The following ZC4H2 variants were observed in gnomAD, a reference collection of about 807,000 sequenced individuals.
ZC4H2 encodes the protein zinc finger C4H2-type containing, also known as zinc finger C4H2 domain-containing protein.
For missense variants in ZC4H2, 137 were observed against 173.9 expected (o/e 0.79, Z 1.19); for synonymous variants, 84 against 66.3 (o/e 1.27, Z -1.30).
intron 1 of ZC4H2, among the ~76,000 whole-genome samples, chrX:64,955,564 G>C (rs1481387141): frequency 9.0e-6 from 1 of 111,512 alleles, no homozygotes; most frequent in Non-Finnish European, 1.9e-5. Flanking sequence ...TGTACACCCA[G>C]TGAAGCCCTT....
At chrX:64,954,337 TAA>T (rs1931041666) in intron 1 of ZC4H2, among the ~76,000 whole-genome samples, 1 of 73,492 alleles carries the variant, frequency 1.4e-5, no homozygotes, top group African/African-American at 8.3e-5. Flanking sequence ...TATATATATA[TAA>T]TTATATATAT....
chrX:64,917,701 G>C lies in ZC4H2; in HGVS notation c.*82C>G. 8.6e-7 allele frequency: 1 copy of C among 1,156,292 alleles called. No individual in the cohort carries two copies. Among genetic ancestry groups the C allele is most frequent in the Non-Finnish European group, 1.2e-6 (1 of 864,647 alleles). On this transcript the variant is annotated 3_prime_UTR_variant, in exon 5 of 5. Transcript: ENST00000374839. ...AGGAGACTTCGTGGGGTTGGGCAAG[G>C]GTTGTTTCACATCAGGACATCAATG...
chrX:64,932,085 T>C (rs182084744), intron 1 of ZC4H2, among the ~76,000 whole-genome samples: 1 of 111,811 alleles, frequency 8.9e-6, no homozygotes, highest in Non-Finnish European at 1.9e-5. Flanking sequence ...GTTGGACTAA[T>C]CCTTTTATCA....
At chrX:65,007,406 C>T (rs757964365) in intron 1 of ZC4H2, among the ~76,000 whole-genome samples, 18 of 112,081 alleles carry the variant, frequency 1.6e-4, no homozygotes, top group Non-Finnish European at 2.8e-4. Flanking sequence ...TGTCTCTATG[C>T]CAAGTATCAG....
chrX:64,954,406 T>A (rs1371500394), intron 1 of ZC4H2, among the ~76,000 whole-genome samples: 1 of 81,827 alleles, frequency 1.2e-5, no homozygotes, highest in African/African-American at 6.4e-5. Flanking sequence ...ATATATATGC[T>A]CAAAAATTGT....
intron 1 of ZC4H2, among the ~76,000 whole-genome samples, chrX:65,020,155 G>A (rs935554382): frequency 8.9e-6 from 1 of 111,871 alleles, no homozygotes; most frequent in Non-Finnish European, 1.9e-5. Flanking sequence ...TAGCAAGGCA[G>A]GCCAACATTC....
chrX:65,004,666 T>C (rs945169518), intron 1 of ZC4H2, among the ~76,000 whole-genome samples: 1 of 112,156 alleles, frequency 8.9e-6, no homozygotes, highest in Non-Finnish European at 1.9e-5. Flanking sequence ...CTTTGAAACC[T>C]GGCATAAGAC....
intron 1 of ZC4H2, among the ~76,000 whole-genome samples, chrX:64,959,986 C>T (rs1193510082): frequency 9.0e-6 from 1 of 110,781 alleles, no homozygotes; most frequent in Non-Finnish European, 1.9e-5. Context: ...ATTTACCCTC[C>T]CAGGCATAAC....
chrX:64,978,002 G>A (rs1038340437), upstream of ZC4H2, among the ~76,000 whole-genome samples: 3 of 111,123 alleles, frequency 2.7e-5, no homozygotes, highest in African/African-American at 9.8e-5. Context: ...CTGGACGTTG[G>A]GCAAAAGGAA....
upstream of ZC4H2, among the ~76,000 whole-genome samples, chrX:64,977,860 T>C (rs915719772): frequency 2.7e-5 from 3 of 111,816 alleles, no homozygotes; most frequent in East Asian, 2.8e-4. Flanking sequence ...TATTTTATGT[T>C]TCAAAGCACG....
At chrX:64,953,564 TG>T (rs1930978493) in intron 1 of ZC4H2, among the ~76,000 whole-genome samples, 1 of 112,199 alleles carries the variant, frequency 8.9e-6, no homozygotes, top group Non-Finnish European at 1.9e-5. Flanking sequence ...ATAAGTCACA[TG>T]AAAAAGTGCT....
chrX:64,988,431 C>G (rs1200217035), intron 1 of ZC4H2, among the ~76,000 whole-genome samples: 1 of 111,550 alleles, frequency 9.0e-6, no homozygotes, highest in Non-Finnish European at 1.9e-5. Flanking sequence ...GCCATTCTAA[C>G]TGGAGTGAGA....
upstream of ZC4H2, among the ~76,000 whole-genome samples, chrX:64,980,250 C>T (rs1932056213): frequency 8.9e-6 from 1 of 112,241 alleles, no homozygotes; most frequent in African/African-American, 3.2e-5. Context: ...ATACGACAGA[C>T]ATGGGCCCTG....
At chrX:64,964,221 T>A (rs1931506707) in intron 1 of ZC4H2, among the ~76,000 whole-genome samples, 1 of 110,649 alleles carries the variant, frequency 9.0e-6, no homozygotes, top group Non-Finnish European at 1.9e-5. Flanking sequence ...TTAAATTAAA[T>A]TAAATCAAAT....
chrX:64,961,173 G>A (rs1931375290), intron 1 of ZC4H2, among the ~76,000 whole-genome samples: 1 of 111,445 alleles, frequency 9.0e-6, no homozygotes, highest in African/African-American at 3.2e-5. Context: ...TATTTCTGGT[G>A]AATTGACTGT....
chrX:64,982,292 A>G (rs1455397210), intron 1 of ZC4H2, among the ~76,000 whole-genome samples: 1 of 111,908 alleles, frequency 8.9e-6, no homozygotes, highest in Non-Finnish European at 1.9e-5. Context: ...GAGTTTCCAA[A>G]AGGGCTGAGT....
chrX:65,015,828 C>A (rs999422219), intron 1 of ZC4H2, among the ~76,000 whole-genome samples: 4 of 111,280 alleles, frequency 3.6e-5, no homozygotes, highest in Non-Finnish European at 5.7e-5. Flanking sequence ...GCAGGAACCA[C>A]GTGTCTTCAT....
intron 1 of ZC4H2, among the ~76,000 whole-genome samples, chrX:64,997,693 G>A (rs1261097551): frequency 9.0e-6 from 1 of 111,654 alleles, no homozygotes; most frequent in Non-Finnish European, 1.9e-5. Context: ...TTGCAGCCTC[G>A]ATCACCTAGG....
At chrX:64,935,729 G>C (rs1477574280) in intron 1 of ZC4H2, among the ~76,000 whole-genome samples, 1 of 111,969 alleles carries the variant, frequency 8.9e-6, no homozygotes, top group African/African-American at 3.3e-5. Flanking sequence ...CTGCAGCAGA[G>C]GGGCCCGACT....
Sources: allele counts gnomAD v4.1 joint callset (sites outside exome capture counted in the v4.1 genomes callset), GRCh38; gene constraint gnomAD v4.1.1; transcripts MANE v1.5; gene names NCBI Gene and HGNC (gene_info 2026-07-23, HGNC 2026-07-21).